The following FRK variants were observed in gnomAD, a reference collection of about 807,000 sequenced individuals.
FRK encodes tyrosine-protein kinase FRK.
FRK carries 51 observed loss-of-function variants against 56.4 expected under a neutral mutation model. That is an observed-to-expected ratio of 0.90 (90% CI 0.72 to 1.14). The LOEUF (loss-of-function observed/expected upper bound fraction) is 1.14, where lower values mean the gene tolerates loss of function less well. Among genes scored for constraint, FRK ranks in the 50% most tolerant of loss-of-function variants. The pLI is 0.00. For synonymous variants in FRK, 245 were observed against 217.9 expected (o/e 1.12, Z -1.10); for missense variants, 570 against 601.4 (o/e 0.95, Z 0.55).
chr6:116,009,069 CA>C (rs1238972359), intron 1 of FRK, among the ~76,000 whole-genome samples: 2 of 150,478 alleles, frequency 1.3e-5, no homozygotes, highest in African/African-American at 2.4e-5. Context: ...AAGTGACTAA[CA>C]AAAAAAAACA....
At chr6:116,039,986 A>G (rs1364444647) in intron 1 of FRK, among the ~76,000 whole-genome samples, 3 of 151,704 alleles carry the variant, frequency 2.0e-5, no homozygotes, top group Admixed American at 2.0e-4. Context: ...AAGAAATTTT[A>G]TAGACATTTT....
intron 5 of FRK, among the ~76,000 whole-genome samples, chr6:115,945,602 A>G (rs1418379276): frequency 6.6e-6 from 1 of 152,198 alleles, no homozygotes; most frequent in Non-Finnish European, 1.5e-5. Flanking sequence ...CTATAAAACA[A>G]TACTAACTTT....
intron 1 of FRK, among the ~76,000 whole-genome samples, chr6:116,036,024 A>T (rs868243832): frequency 6.6e-6 from 1 of 152,078 alleles, no homozygotes; most frequent in Non-Finnish European, 1.5e-5. Context: ...AAGTTCCATT[A>T]AAAGTGATTT....
chr6:116,020,133 T>C (rs1361502015), intron 1 of FRK, among the ~76,000 whole-genome samples: 4 of 152,038 alleles, frequency 2.6e-5, no homozygotes, highest in Admixed American at 6.6e-5. Context: ...ATTCCATCTA[T>C]AGAAAACAGT....
At chr6:116,007,402 C>A (rs1775283317) in intron 1 of FRK, among the ~76,000 whole-genome samples, 2 of 152,112 alleles carry the variant, frequency 1.3e-5, no homozygotes, top group South Asian at 2.1e-4. Flanking sequence ...TAACTTGAGA[C>A]CGCATGGAGA....
intron 1 of FRK, chr6:116,038,842 G>C (rs1461632963): frequency 1.5e-5 from 8 of 527,672 alleles, no homozygotes; most frequent in Non-Finnish European, 3.0e-5. Flanking sequence ...GCACTCTGAA[G>C]GCGGCCAAGG....
rs183488475 is a variant in FRK, at chr6:116,009,970, G to A, written c.345-5972C>T. 4.3e-3 allele frequency among the ~76,000 whole-genome samples: 648 copies of A among 152,276 alleles called. 7 individuals are homozygous for A. The highest frequency in any genetic ancestry group is 0.015 in the African/African-American group (629 of 41,564). The stretch of plus-strand genomic sequence containing the variant: ...TGGCCGGGCATGGTGGCTCACTCCT[G>A]TAATCCCAGCACTTTGGGAGGCCGA... On this transcript the variant is annotated intron_variant, in intron 1 of 7. Transcript: ENST00000606080.
intron 1 of FRK, among the ~76,000 whole-genome samples, chr6:116,019,398 T>C (rs1562288906): frequency 6.6e-6 from 1 of 152,138 alleles, no homozygotes; most frequent in African/African-American, 2.4e-5. Context: ...GAGAATATAC[T>C]GAAGATTTGG....
chr6:116,045,101 A>C (rs1165304397), intron 1 of FRK, among the ~76,000 whole-genome samples: 2 of 152,100 alleles, frequency 1.3e-5, no homozygotes, highest in Non-Finnish European at 2.9e-5. Flanking sequence ...ACAAATGGAA[A>C]AACATTCCAT....
chr6:116,068,625 G>A, the FRK span, among the ~76,000 whole-genome samples: 112 of 151,978 alleles, frequency 7.4e-4, no homozygotes, highest in African/African-American at 2.6e-3. Flanking sequence ...CAATGATGAC[G>A]GACTACATTA....
In FRK at chr6:116,035,841, T is replaced by C. The variant is rs187728713; in HGVS notation, c.344+24127A>G. Among the ~76,000 whole-genome samples the C allele has an allele frequency of 1.9e-3, 289 of 152,178 alleles. 3 individuals are homozygous for C. The highest frequency in any genetic ancestry group is 0.01 in the Middle Eastern group (3 of 294). Reference sequence around the variant, plus strand: ...TAGCGAGCAGGTGAATATCTGTTTCTATGGTTTCTATTTACAGTAGAGAGA... The same window carrying C: ...TAGCGAGCAGGTGAATATCTGTTTCCATGGTTTCTATTTACAGTAGAGAGA... On this transcript the variant is annotated intron_variant, in intron 1 of 7. Transcript: ENST00000606080.
Position 115,943,170 on chromosome 6 carries a change from T to C in FRK, c.1156A>G (p.Ile386Val). The C allele has an allele frequency of 6.2e-7, 1 of 1,610,612 alleles. No homozygotes were observed. Among genetic ancestry groups the C allele is most frequent in the Non-Finnish European group, 8.5e-7 (1 of 1,178,730 alleles). The change falls in exon 7 of 8, where the codon ATC becomes GTC. Residue 386 changes from isoleucine to valine, a missense_variant. Coordinates refer to ENST00000606080, the MANE Select transcript of FRK (RefSeq NM_002031.3). Reference sequence around the variant, plus strand: ...TTTATTTCGTGTCTAGATTCATAGATGTCTTCATTATCTACCTGTTCATGT... The same window carrying C: ...TTTATTTCGTGTCTAGATTCATAGACGTCTTCATTATCTACCTGTTCATGT... ...ARVFKVDNED[I>V]YESRHEIKLP...
At chr6:116,079,371 A>C in the FRK span, among the ~76,000 whole-genome samples, 1 of 148,394 alleles carries the variant, frequency 6.7e-6, no homozygotes, top group Non-Finnish European at 1.5e-5. Flanking sequence ...TCTTTGATTC[A>C]GGTCTTTTGC....
intron 2 of FRK, among the ~76,000 whole-genome samples, chr6:116,000,255 T>C: frequency 2.0e-5 from 1 of 50,930 alleles, no homozygotes; most frequent in African/African-American, 7.7e-5. Flanking sequence ...TTTTTTTTTT[T>C]TTTTTGAGAC....
chr6:115,970,609 CA>C (rs768049483), intron 2 of FRK, among the ~76,000 whole-genome samples: 1 of 152,138 alleles, frequency 6.6e-6, no homozygotes, highest in Non-Finnish European at 1.5e-5. Flanking sequence ...TATTAAAAAG[CA>C]AGGCTAAGCT....
At chr6:116,052,898 C>G (rs902766092) in intron 1 of FRK, among the ~76,000 whole-genome samples, 4 of 152,114 alleles carry the variant, frequency 2.6e-5, no homozygotes, top group African/African-American at 9.7e-5. Context: ...GAGCTGCCAA[C>G]TAAATGAAAC....
chr6:115,944,211 T>A (rs778705116), intron 6 of FRK, 33 bp downstream of exon 6: 2 of 1,563,134 alleles, frequency 1.3e-6, no homozygotes, highest in Admixed American at 3.6e-5. Context: ...TTTGACCTAT[T>A]ACAAAAACTA....
At chr6:116,061,338 C>T (rs1777615739), upstream of FRK, among the ~76,000 whole-genome samples, 1 of 151,780 alleles carries the variant, frequency 6.6e-6, no homozygotes, top group Admixed American at 6.6e-5. Flanking sequence ...ATGCTGAGAA[C>T]CCAAAATGTT....
chr6:115,959,326 A>C (rs1773231818), intron 4 of FRK, among the ~76,000 whole-genome samples: 1 of 152,110 alleles, frequency 6.6e-6, no homozygotes, highest in African/African-American at 2.4e-5. Flanking sequence ...TTTTTTTAAC[A>C]TGAGAAATCT....
Sources: allele counts gnomAD v4.1 joint callset (sites outside exome capture counted in the v4.1 genomes callset), GRCh38; gene constraint gnomAD v4.1.1; transcripts MANE v1.5; gene names NCBI Gene and HGNC (gene_info 2026-07-23, HGNC 2026-07-21).